Variants in ZRANB1 observed in about 807,000 individuals in gnomAD.
ZRANB1 encodes ubiquitin thioesterase ZRANB1.
In ZRANB1, 16 loss-of-function variants were observed where a neutral mutation model predicts 80.5. The ratio of observed to expected loss-of-function variants is 0.20; its 90% confidence interval spans 0.13 to 0.30. ZRANB1 has a LOEUF of 0.30. ZRANB1 is among the 10% of genes least tolerant of loss of function. The probability of loss-of-function intolerance (pLI) is 1.00; values close to 1 mark genes in which losing one functional copy is unlikely to be tolerated. For synonymous variants in ZRANB1, 291 were observed against 293.1 expected (o/e 0.99, Z 0.07); for missense variants, 576 against 862.6 (o/e 0.67, Z 4.16).
the ZRANB1 span, among the ~76,000 whole-genome samples, chr10:124,934,099 A>G: frequency 6.6e-6 from 1 of 152,344 alleles, no homozygotes; most frequent in African/African-American, 2.4e-5. Flanking sequence ...AAAATGTAAC[A>G]TTTAAATTCG....
intron 1 of ZRANB1, among the ~76,000 whole-genome samples, chr10:124,957,221 G>T (rs1951694185): frequency 6.7e-6 from 1 of 149,390 alleles, no homozygotes; most frequent in East Asian, 2.0e-4. Flanking sequence ...TTCCACTTTT[G>T]CAGAATGATC....
chr10:124,963,557 T>TTTTTTTTTTTTTTTTTTTG (rs1951753386), intron 1 of ZRANB1, among the ~76,000 whole-genome samples: 1 of 112,000 alleles, frequency 8.9e-6, no homozygotes, highest in Non-Finnish European at 1.8e-5. Context: ...TTTGTTTGTT[T>TTTTTTTTTTTTTTTTTTTG]TTTTTTTTTT....
At chr10:124,960,802 C>T (rs1951727161) in intron 1 of ZRANB1, among the ~76,000 whole-genome samples, 1 of 152,112 alleles carries the variant, frequency 6.6e-6, no homozygotes, top group African/African-American at 2.4e-5. Context: ...CTCGGCCTAC[C>T]TGAGATATAG....
intron 1 of ZRANB1, among the ~76,000 whole-genome samples, chr10:124,950,234 C>T (rs1564957616): frequency 1.3e-5 from 2 of 152,106 alleles, no homozygotes; most frequent in African/African-American, 2.4e-5. Context: ...AAGCAATTCT[C>T]CTACCTCAGC....
the ZRANB1 span, among the ~76,000 whole-genome samples, chr10:124,921,659 AT>A: frequency 5.3e-4 from 81 of 151,886 alleles, 2 homozygotes; most frequent in African/African-American, 2.4e-4. Flanking sequence ...TATAAAAAGT[AT>A]TTTTTTTCAA....
chr10:124,954,278 G>C (rs1457485451), intron 1 of ZRANB1, among the ~76,000 whole-genome samples: 1 of 148,986 alleles, frequency 6.7e-6, no homozygotes, highest in Non-Finnish European at 1.5e-5. Context: ...GAGCCACGGT[G>C]CCTGGCCCCT....
chr10:124,936,568 G>T, the ZRANB1 span, among the ~76,000 whole-genome samples: 2 of 152,132 alleles, frequency 1.3e-5, no homozygotes, highest in Admixed American at 1.3e-4. Flanking sequence ...TAGATAAAGG[G>T]TTTTACCATA....
upstream of ZRANB1, among the ~76,000 whole-genome samples, chr10:124,941,270 C>G (rs1244781774): frequency 1.3e-5 from 2 of 151,712 alleles, no homozygotes; most frequent in Non-Finnish European, 2.9e-5. Context: ...ATTATGAAGT[C>G]TTTCTTCATT....
At chr10:124,960,966 A>G (rs1420734092) in intron 1 of ZRANB1, among the ~76,000 whole-genome samples, 2 of 151,944 alleles carry the variant, frequency 1.3e-5, no homozygotes, top group Non-Finnish European at 2.9e-5. Context: ...TGAGTTTCAA[A>G]ATCTACTTTT....
chr10:124,932,164 A>G, the ZRANB1 span, among the ~76,000 whole-genome samples: 3 of 152,142 alleles, frequency 2.0e-5, no homozygotes, highest in Non-Finnish European at 2.9e-5. Context: ...TTAGAGCTGT[A>G]TAATATTCCA....
At chr10:124,923,448 G>C in the ZRANB1 span, among the ~76,000 whole-genome samples, 27 of 151,706 alleles carry the variant, frequency 1.8e-4, no homozygotes, top group African/African-American at 6.3e-4. Flanking sequence ...AAAAAAATTA[G>C]CTGGGCGTGG....
intron 1 of ZRANB1, among the ~76,000 whole-genome samples, chr10:124,966,353 C>T (rs1246720813): frequency 6.6e-6 from 1 of 151,880 alleles, no homozygotes; most frequent in Non-Finnish European, 1.5e-5. Flanking sequence ...TAAATCTCAC[C>T]AGAGCCTGGA....
chr10:124,966,534 G>GT, intron 1 of ZRANB1, 60 bp from the exon 2 acceptor site: 5 of 1,542,730 alleles, frequency 3.2e-6, no homozygotes, highest in Non-Finnish European at 4.4e-6. Flanking sequence ...GATTGCTACG[G>GT]TTTGTGTTTT....
rs1952090242 is a variant in ZRANB1 at position 124,987,664 on chromosome 10, A to T, written c.*2672A>T. 6.6e-6 allele frequency: 1 copy of T among 152,152 alleles called. No homozygotes were observed. Among genetic ancestry groups the T allele is most frequent in the South Asian group, 2.1e-4 (1 of 4,826 alleles). The allele number at this position is 152,152 out of a possible 1,614,324, so 9.4% of individuals were successfully genotyped here. A position where few individuals can be genotyped will look rare whatever the true frequency, so the allele number is the denominator to read the frequency against. On this transcript the variant is annotated 3_prime_UTR_variant, in exon 9 of 9. Coordinates refer to ENST00000359653, the MANE Select transcript of ZRANB1 (RefSeq NM_017580.3). ...TCCATGTGAGCTTGTGTTAATAGACACTTTTATGGTAGAGTTGGGATGGGG... is the reference window on the plus strand; with the variant it reads ...TCCATGTGAGCTTGTGTTAATAGACTCTTTTATGGTAGAGTTGGGATGGGG...
At chr10:124,950,809 G>A (rs559476998) in intron 1 of ZRANB1, among the ~76,000 whole-genome samples, 5 of 152,130 alleles carry the variant, frequency 3.3e-5, no homozygotes, top group African/African-American at 4.8e-5. Context: ...GCGAGACCTC[G>A]TCTCTATAAA....
rs72416239 is a variant in ZRANB1 at position 124,986,279 on chromosome 10, ACGCG to A, written c.*1297_*1300del. The stretch of plus-strand genomic sequence containing the variant: ...AGGAATTTGGAAAGACGACACACGC[ACGCG>A]CGCGCGCGCACACACACACACACAC... On this transcript the variant is annotated 3_prime_UTR_variant, in exon 9 of 9. Transcript: ENST00000359653. 0.084 allele frequency: 9,470 copies of A among 112,192 alleles called. 379 individuals carry two copies. Among genetic ancestry groups the A allele is most frequent in the East Asian group, 0.16 (678 of 4,148 alleles). 6.9% of individuals were successfully genotyped at this position (112,192 alleles called of 1,614,324 possible).
At chr10:124,984,095 G>A (rs1053298302) in intron 8 of ZRANB1, among the ~76,000 whole-genome samples, 1 of 152,048 alleles carries the variant, frequency 6.6e-6, no homozygotes, top group Non-Finnish European at 1.5e-5. Flanking sequence ...GGATAGGGAT[G>A]GGGGGGAGTT....
chr10:124,977,711 G>GAAAAAAAA (rs752296814), intron 5 of ZRANB1, among the ~76,000 whole-genome samples: 5 of 48,710 alleles, frequency 1.0e-4, no homozygotes, highest in Admixed American at 2.4e-4. Context: ...ACCCTGCTAA[G>GAAAAAAAA]AAAAAAAAAA....
the ZRANB1 span, among the ~76,000 whole-genome samples, chr10:124,935,739 A>T: frequency 6.6e-6 from 1 of 152,186 alleles, no homozygotes; most frequent in Non-Finnish European, 1.5e-5. Flanking sequence ...TCTTTCATCA[A>T]GTCATTCAAC....
Sources: allele counts gnomAD v4.1 joint callset (sites outside exome capture counted in the v4.1 genomes callset), GRCh38; gene constraint gnomAD v4.1.1; transcripts MANE v1.5; gene names NCBI Gene and HGNC (gene_info 2026-07-23, HGNC 2026-07-21).